Variants in PADI6 observed in about 807,000 individuals in gnomAD.
PADI6 encodes the protein peptidyl arginine deiminase 6, also known as inactive protein-arginine deiminase type-6.
A neutral mutation model predicts 78.2 loss-of-function variants in PADI6; 66 were observed. The observed-to-expected ratio is 0.84, with a 90% CI of 0.69 to 1.04. The LOEUF (loss-of-function observed/expected upper bound fraction) is 1.04. PADI6 is among the 50% of genes least tolerant of loss of function. PADI6 has a pLI of 0.00. For missense variants in PADI6, 854 were observed against 866.1 expected (o/e 0.99, Z 0.18); for synonymous variants, 397 against 346.9 (o/e 1.14, Z -1.60).
At position 17,372,211 on chromosome 1, in the gene PADI6, C is replaced by A; in HGVS notation, c.-35C>A. ...GTGAGCCCTGGGGCGTCTGAGGCTG[C>A]TGTGCTGAGTGAGGGCTGCGGTGCA... On this transcript the variant is annotated 5_prime_UTR_variant, in exon 1 of 16. It adds an upstream start codon to the 5' untranslated region. Transcript: ENST00000619609. 1 of 1,587,924 alleles carries A rather than the reference C, an allele frequency of 6.3e-7. No homozygotes were observed. Among genetic ancestry groups the A allele is most frequent in the Non-Finnish European group, 8.6e-7 (1 of 1,156,312 alleles).
intron 3 of PADI6, among the ~76,000 whole-genome samples, 153 bp downstream of exon 3, chr1:17,375,652 C>T (rs1017637260): frequency 6.6e-6 from 1 of 152,104 alleles, no homozygotes; most frequent in East Asian, 1.9e-4. Flanking sequence ...TAAATGGATT[C>T]ATTTGAGATA....
Position 17,386,150 on chromosome 1 carries a change from G to A in PADI6, c.680-2231G>A, listed in dbSNP as rs1458829428. Among the ~76,000 whole-genome samples, 17 of 152,222 alleles carry A rather than the reference G, an allele frequency of 1.1e-4. No homozygotes were observed. The East Asian group carries it at 3.1e-3, about 28-fold the overall frequency. ...TTCCAGGTAGAGGCAGCTATTGTGT[G>A]TACTTGGGTCGCAGGGCTTCTGGCC... On this transcript the variant is annotated intron_variant, in intron 6 of 15. Transcript: ENST00000619609.
Position 17,395,579 on chromosome 1 carries a change from A to AGCCT in PADI6, c.1534_1535insGCCT (p.Lys512SerfsTer19). 1 of 1,576,742 alleles carries AGCCT rather than the reference A, an allele frequency of 6.3e-7. No individual in the cohort carries two copies. The highest frequency in any genetic ancestry group is 2.3e-5 in the East Asian group (1 of 43,274). On this transcript the variant is annotated frameshift_variant, in exon 13 of 16. Coordinates refer to ENST00000619609, the MANE Select transcript of PADI6 (RefSeq NM_207421.4). LOFTEE classifies it high-confidence loss of function. ...CCTGGCCAGCCCCAGTGCCTGCTAT[A>AGCCT]AACTGTTCCGAGAGAAACAGAAGGA... is the stretch of plus-strand genomic sequence containing the variant.
At chr1:17,377,483 C>T (rs2075030415) in intron 3 of PADI6, among the ~76,000 whole-genome samples, 1 of 152,150 alleles carries the variant, frequency 6.6e-6, no homozygotes, top group South Asian at 2.1e-4. Flanking sequence ...GCAGGCTGCT[C>T]CCACAAACCC....
rs2074979426 is a variant in PADI6 at position 17,373,154 on chromosome 1, C to T, written c.215C>T (p.Thr72Ile). Residue 72 changes from threonine (T) to isoleucine (I), a missense_variant, in exon 2 of 16, where the codon ACC becomes ATC. By Grantham distance (89) the Thr-to-Ile change is moderately conservative. Coordinates refer to ENST00000619609, the MANE Select transcript of PADI6 (RefSeq NM_207421.4). Reference protein sequence around the residue: ...NTVISEKEDATIWWPLSDPTY... With the variant: ...NTVISEKEDAIIWWPLSDPTY... ...GTGATTTCTGAGAAGGAGGACGCCA[C>T]CATCTGGTGGCCCCTGTCTGATCCC... 1 of 1,613,882 alleles carries T rather than the reference C, an allele frequency of 6.2e-7. No homozygotes were observed. Among genetic ancestry groups the T allele is most frequent in the Non-Finnish European group, 8.5e-7 (1 of 1,179,878 alleles).
intron 6 of PADI6, among the ~76,000 whole-genome samples, chr1:17,386,240 C>T (rs974268391): frequency 2.6e-5 from 4 of 152,166 alleles, no homozygotes; most frequent in African/African-American, 9.7e-5. Context: ...AGGATGTGAG[C>T]CCATGAGCCT....
intron 1 of PADI6, 130 bp downstream of exon 1, chr1:17,372,491 T>C: frequency 2.3e-6 from 2 of 873,646 alleles, no homozygotes; most frequent in East Asian, 2.4e-5. Flanking sequence ...TGGGAAGCCT[T>C]GGGTCTCTAG....
chr1:17,399,188 C>T (rs564256562), intron 15 of PADI6, among the ~76,000 whole-genome samples: 5 of 152,290 alleles, frequency 3.3e-5, no homozygotes, highest in East Asian at 3.9e-4. Context: ...TCGAGGTTGC[C>T]GCGCATCTGC....
chr1:17,390,745 CTGA>C (rs1375513398), intron 8 of PADI6, among the ~76,000 whole-genome samples: 3 of 152,156 alleles, frequency 2.0e-5, no homozygotes, highest in Non-Finnish European at 4.4e-5. Flanking sequence ...CTCAGAAAGT[CTGA>C]TGGGATTCTG....
In PADI6 at chr1:17,375,757, T is replaced by C. The variant is rs2075009937; in HGVS notation, c.367+258T>C. Among the ~76,000 whole-genome samples, 3 of 152,308 alleles carry C rather than the reference T, an allele frequency of 2.0e-5. No individual in the cohort carries two copies. The South Asian group carries it at 6.2e-4, about 32-fold the overall frequency. ...AGAATAGAAACAGCCAGAACTTCCG[T>C]GTCGCTGCCATCTACCCACCTACGC... On this transcript the variant is annotated intron_variant, in intron 3 of 15. Coordinates refer to ENST00000619609, the MANE Select transcript of PADI6 (RefSeq NM_207421.4).
At chr1:17,390,494 C>T (rs1317679649) in intron 8 of PADI6, among the ~76,000 whole-genome samples, 1 of 150,864 alleles carries the variant, frequency 6.6e-6, no homozygotes, top group South Asian at 2.1e-4. Context: ...ATCCCAGCTA[C>T]TCGGGAGGCT....
chr1:17,380,001 CA>C lies in PADI6; in HGVS notation c.435+18del. The C allele has an allele frequency of 6.2e-7, 1 of 1,612,990 alleles. No individual in the cohort carries two copies. Among genetic ancestry groups the C allele is most frequent in the Non-Finnish European group, 8.5e-7 (1 of 1,179,228 alleles). ...AAACAGGCTAAGGTGAGTCTGCCAG[CA>C]AAAGGGGGCAGGGAAGGGGCCCTAT... On this transcript the variant is annotated intron_variant, in intron 4 of 15. Coordinates refer to ENST00000619609, the MANE Select transcript of PADI6 (RefSeq NM_207421.4).
intron 3 of PADI6, among the ~76,000 whole-genome samples, chr1:17,379,275 G>A (rs539998626): frequency 5.4e-5 from 8 of 149,316 alleles, no homozygotes; most frequent in Non-Finnish European, 1.0e-4. Flanking sequence ...CACCTCGCCC[G>A]GCTAATTTTT....
intron 13 of PADI6, 71 bp downstream of exon 13, chr1:17,395,734 AT>A: frequency 2.0e-6 from 3 of 1,522,570 alleles, no homozygotes; most frequent in Non-Finnish European, 2.7e-6. Flanking sequence ...CTACATAGCC[AT>A]TCTGTCACGC....
chr1:17,381,866 T>G, intron 5 of PADI6, 101 bp from the exon 6 acceptor site: 1 of 1,381,126 alleles, frequency 7.2e-7, no homozygotes, highest in Non-Finnish European at 1.0e-6. Context: ...GGGTCCTTGG[T>G]GCTCTGTTCA....
Position 17,381,978 on chromosome 1 carries a change from C to A in PADI6, c.565C>A (p.Leu189Met). The A allele has an allele frequency of 6.2e-7, 1 of 1,613,922 alleles. No homozygotes were observed. The highest frequency in any genetic ancestry group is 8.5e-7 in the Non-Finnish European group (1 of 1,179,826). ...TGTCTTTTGCCCAGAAATAACGAAT[C>A]TGTCCCAGATGACTCTGAATGTCCA... ...KVIFSEEITN[L>M]SQMTLNVQGP... The change falls in exon 6 of 16, where the codon CTG becomes ATG. Residue 189 changes from leucine (L) to methionine (M), a missense_variant. By Grantham distance (15) the Leu-to-Met change is conservative. Coordinates refer to ENST00000619609, the MANE Select transcript of PADI6 (RefSeq NM_207421.4).
rs184977977 is a variant in PADI6, at chr1:17,378,692, C to G, written c.368-1228C>G. 3.5e-3 allele frequency among the ~76,000 whole-genome samples: 537 copies of G among 152,012 alleles called. 3 individuals carry two copies. Among genetic ancestry groups the G allele is most frequent in the African/African-American group, 0.012 (495 of 41,452 alleles). The stretch of plus-strand genomic sequence containing the variant: ...CGATCTCTGCTCACTGCAATCTCCA[C>G]CTCCTGGGTTCAAGTGATTCTCCTG... On this transcript the variant is annotated intron_variant, in intron 3 of 15. Coordinates refer to ENST00000619609, the MANE Select transcript of PADI6 (RefSeq NM_207421.4).
Position 17,398,690 on chromosome 1 carries a change from G to T in PADI6, c.1694G>T (p.Cys565Phe). ...LKKQNEYVEK[C>F]IHLNRDILKT... is the part of the protein sequence containing the mutation. ...CACCCACCCACCCACCCACAGAAGTGCATTCACCTGAACCGTGACATCCTG... is the reference window on the plus strand; with the variant it reads ...CACCCACCCACCCACCCACAGAAGTTCATTCACCTGAACCGTGACATCCTG... The change falls in exon 15 of 16, where the codon TGC becomes TTC. Residue 565 changes from cysteine (C) to phenylalanine (F), a missense_variant. By Grantham distance (205) the Cys-to-Phe change is radical. Transcript: ENST00000619609. The T allele has an allele frequency of 9.0e-7, 1 of 1,115,156 alleles. No homozygotes were observed. Among genetic ancestry groups the T allele is most frequent in the Non-Finnish European group, 1.1e-6 (1 of 900,476 alleles). The allele number at this position is 1,115,156 out of a possible 1,614,324, so 69.1% of individuals were successfully genotyped here. A position where few individuals can be genotyped will look rare whatever the true frequency, so the allele number is the denominator to read the frequency against.
Position 17,381,130 on chromosome 1 carries a change from G to T in PADI6, c.519G>T (p.Glu173Asp), listed in dbSNP as rs375717303. 6.2e-7 allele frequency: 1 copy of T among 1,609,036 alleles called. No individual in the cohort carries two copies. The highest frequency in any genetic ancestry group is 8.5e-7 in the Non-Finnish European group (1 of 1,177,952). The stretch of plus-strand genomic sequence containing the variant: ...CTGCTGATGTGGGCCAGCAACTTGA[G>T]GACAAGAAAACCAAGAAAGTGATCT... ...CNPADVGQQL[E>D]DKKTKKVIFS... Residue 173 changes from glutamate to aspartate, a missense_variant, in exon 5 of 16, where the codon GAG becomes GAT. Physicochemically the swap from Glu to Asp is conservative, Grantham distance 45. Coordinates refer to ENST00000619609, the MANE Select transcript of PADI6 (RefSeq NM_207421.4).
Sources: gnomAD v4.1 joint callset for allele counts (sites outside exome capture counted in the v4.1 genomes callset) on GRCh38, gnomAD v4.1.1 for gene constraint, MANE v1.5 for transcripts, NCBI Gene and HGNC (gene_info 2026-07-23, HGNC 2026-07-21) for gene names.